SCG5: variants seen among roughly 807,000 people sequenced by gnomAD.
SCG5 encodes secretogranin V, also known as neuroendocrine protein 7B2.
SCG5 carries 18 observed loss-of-function variants against 25.7 expected under a neutral mutation model. The ratio of observed to expected loss-of-function variants is 0.70; its 90% CI spans 0.48 to 1.04. SCG5 has a LOEUF of 1.04. Among genes scored for constraint, SCG5 ranks in the 50% least tolerant of loss-of-function variants. The pLI is 0.00. For synonymous variants in SCG5, 101 were observed against 91.7 expected, an observed-to-expected ratio of 1.10 and a Z score of -0.58; for missense variants, 206 against 259.8, an observed-to-expected ratio of 0.79 and a Z score of 1.42.
intron 1 of SCG5, among the ~76,000 whole-genome samples, chr15:32,643,207 C>T (rs982149844): frequency 6.6e-6 from 1 of 152,310 alleles, no homozygotes; most frequent in Non-Finnish European, 1.5e-5. Context: ...CTATCTCTTT[C>T]TCAAAATGTA....
At chr15:32,670,312 C>T (rs1486209892) in intron 2 of SCG5, among the ~76,000 whole-genome samples, 1 of 152,232 alleles carries the variant, frequency 6.6e-6, no homozygotes, top group African/African-American at 2.4e-5. Flanking sequence ...TGGGGCAGTC[C>T]CTGTGAGGGA....
Position 32,643,672 on chromosome 15 carries a change from A to T in SCG5, c.80A>T (p.Tyr27Phe), listed in dbSNP as rs1407713901. The T allele has an allele frequency of 6.2e-7, 1 of 1,613,838 alleles. No homozygotes were observed. Among genetic ancestry groups the T allele is most frequent in the African/African-American group, 1.3e-5 (1 of 74,890 alleles). Residue 27 changes from tyrosine to phenylalanine, a missense_variant, in exon 2 of 6, where the codon TAC becomes TTC. By Grantham distance (22) the Tyr-to-Phe change is conservative. Coordinates refer to ENST00000300175, the MANE Select transcript of SCG5 (RefSeq NM_001144757.3). Reference sequence around the variant, plus strand: ...TCTGGATGGACTCCAGCATTTGCTTACAGCCCCCGGACCCCTGACCGGGTC... The same window carrying T: ...TCTGGATGGACTCCAGCATTTGCTTTCAGCCCCCGGACCCCTGACCGGGTC... Reference protein sequence around the residue: ...LASGWTPAFAYSPRTPDRVSE... With the variant: ...LASGWTPAFAFSPRTPDRVSE...
At position 32,663,059 on chromosome 15, in the gene SCG5, ATATATATATATATATATATAAT is replaced by A. The variant is rs2054255965; in HGVS notation, c.227-16706_227-16685del. ...TATATATATATATATATATATATATATATATATATATATATATATAATATATAATATGTTATATATACACATA... is the reference window on the plus strand; with the variant it reads ...TATATATATATATATATATATATATAATATAATATGTTATATATACACATA... On this transcript the variant is annotated intron_variant, in intron 2 of 5. Transcript: ENST00000300175. Among the ~76,000 whole-genome samples, 4 of 68,442 alleles carry A rather than the reference ATATATATATATATATATATAAT, an allele frequency of 5.8e-5. 1 individual carries two copies. In the South Asian group the frequency reaches 1.1e-3, roughly 18 times the overall value. The allele number at this position is 68,442 out of a possible 152,430, so 44.9% of individuals were successfully genotyped here.
intron 2 of SCG5, among the ~76,000 whole-genome samples, chr15:32,663,052 TATATATATATATATATATATATATATAA>T (rs1567076343): frequency 5.9e-5 from 3 of 50,452 alleles, no homozygotes; most frequent in African/African-American, 3.3e-4. Flanking sequence ...TATATATATA[TATATATATATATATATATATATATATAA>T]TATATAATAT....
chr15:32,685,135 A>C (rs1450066090), intron 4 of SCG5, among the ~76,000 whole-genome samples: 1 of 152,248 alleles, frequency 6.6e-6, no homozygotes, highest in Non-Finnish European at 1.5e-5. Flanking sequence ...GCTTTATAGA[A>C]AGAGAAAAAA....
intron 2 of SCG5, among the ~76,000 whole-genome samples, 171 bp downstream of exon 2, chr15:32,643,989 C>A (rs2053906286): frequency 6.6e-6 from 1 of 152,182 alleles, no homozygotes; most frequent in Non-Finnish European, 1.5e-5. Context: ...CTTTCTTCTT[C>A]TACACAGTGT....
At chr15:32,673,809 C>T (rs778766361) in intron 2 of SCG5, among the ~76,000 whole-genome samples, 8 of 152,122 alleles carry the variant, frequency 5.3e-5, no homozygotes, top group Non-Finnish European at 8.8e-5. Context: ...TCTCGGTTCA[C>T]TGCAACCTCT....
intron 4 of SCG5, among the ~76,000 whole-genome samples, chr15:32,690,955 C>T (rs967668212): frequency 1.3e-5 from 2 of 151,880 alleles, no homozygotes; most frequent in African/African-American, 4.8e-5. Flanking sequence ...CCCCTTCTCC[C>T]TTTCTGCCTT....
At chr15:32,670,473 T>A (rs1170807687) in intron 2 of SCG5, among the ~76,000 whole-genome samples, 1 of 152,216 alleles carries the variant, frequency 6.6e-6, no homozygotes, top group Non-Finnish European at 1.5e-5. Flanking sequence ...GCTTTGGGGG[T>A]CACTTGTCAT....
intron 5 of SCG5, among the ~76,000 whole-genome samples, chr15:32,695,706 CCA>C (rs1481895360): frequency 6.6e-6 from 1 of 152,118 alleles, no homozygotes; most frequent in Non-Finnish European, 1.5e-5. Flanking sequence ...TGATCTGGGA[CCA>C]GTCTTCAGAT....
At chr15:32,648,195 C>T (rs1305195055) in intron 2 of SCG5, among the ~76,000 whole-genome samples, 1 of 152,140 alleles carries the variant, frequency 6.6e-6, no homozygotes, top group Admixed American at 6.5e-5. Context: ...TGATTTTCTC[C>T]ATCACACTTC....
chr15:32,665,780 G>C (rs2054308791), intron 2 of SCG5: 1 of 152,188 alleles, frequency 6.6e-6, no homozygotes, highest in East Asian at 1.9e-4. Context: ...GAGGGCTCCA[G>C]AGCTGGCAAT....
intron 2 of SCG5, 21 bp from the exon 3 acceptor site, chr15:32,679,745 C>T: frequency 6.2e-7 from 1 of 1,613,356 alleles, no homozygotes; most frequent in Non-Finnish European, 8.5e-7. Flanking sequence ...CTGCAATGAA[C>T]TACTTCTGAT....
intron 2 of SCG5, among the ~76,000 whole-genome samples, chr15:32,674,663 T>C (rs1317909094): frequency 6.6e-6 from 1 of 152,148 alleles, no homozygotes; most frequent in African/African-American, 2.4e-5. Flanking sequence ...GGGGGCTTTG[T>C]TAACACCGAA....
At chr15:32,642,822 G>T (rs2053886673) in intron 1 of SCG5, among the ~76,000 whole-genome samples, 1 of 151,940 alleles carries the variant, frequency 6.6e-6, no homozygotes, top group Non-Finnish European at 1.5e-5. Context: ...CATAATAATA[G>T]CAATATAGGG....
intron 4 of SCG5, among the ~76,000 whole-genome samples, chr15:32,691,153 G>A (rs2054847989): frequency 6.6e-6 from 1 of 152,088 alleles, no homozygotes; most frequent in African/African-American, 2.4e-5. Context: ...CTGCCAAGAA[G>A]TTTTTTGGCA....
chr15:32,679,801 T>C lies in SCG5; in HGVS notation c.262T>C (p.Phe88Leu). Residue 88 changes from phenylalanine (F) to leucine (L), a missense_variant, in exon 3 of 6, where the codon TTT becomes CTT. Phe to Leu is a conservative substitution (Grantham distance 22). Transcript: ENST00000300175. ...AHEGLQHLGP[F>L]GNIPNIVAEL... is the part of the protein sequence containing the mutation. The stretch of plus-strand genomic sequence containing the variant: ...TGAAGGACTTCAGCATTTGGGTCCT[T>C]TTGGCAACATCCCCAACATCGTGGC... 1 of 1,613,976 alleles carries C rather than the reference T, an allele frequency of 6.2e-7. No homozygotes were observed. Among genetic ancestry groups the C allele is most frequent in the Non-Finnish European group, 8.5e-7 (1 of 1,179,868 alleles).
At chr15:32,682,165 A>C (rs2054631539) in intron 3 of SCG5, among the ~76,000 whole-genome samples, 1 of 152,178 alleles carries the variant, frequency 6.6e-6, no homozygotes, top group African/African-American at 2.4e-5. Context: ...CAGCACCTGA[A>C]AACTTGCTAA....
At chr15:32,680,399 C>T (rs1397283757) in intron 3 of SCG5, among the ~76,000 whole-genome samples, 3 of 151,826 alleles carry the variant, frequency 2.0e-5, no homozygotes, top group African/African-American at 4.8e-5. Flanking sequence ...GGGGATTCAG[C>T]GTGTTAGCCA....
Sources: allele counts gnomAD v4.1 joint callset (sites outside exome capture counted in the v4.1 genomes callset), GRCh38; gene constraint gnomAD v4.1.1; transcripts MANE v1.5; gene names NCBI Gene and HGNC (gene_info 2026-07-23, HGNC 2026-07-21).